The following EIF3A variants were observed in gnomAD, a reference collection of about 807,000 sequenced individuals.
The protein encoded by EIF3A is eukaryotic translation initiation factor 3 subunit A, also known as EIF3, p180 subunit.
In EIF3A, 21 loss-of-function variants were observed where a neutral mutation model predicts 186.6. The ratio of observed to expected loss-of-function variants is 0.11; its 90% CI spans 0.08 to 0.16. EIF3A has a LOEUF of 0.16. EIF3A is among the 10% of genes least tolerant of loss of function. The probability of loss-of-function intolerance (pLI) is 1.00; values close to 1 mark genes in which losing one functional copy is unlikely to be tolerated. For missense variants in EIF3A, 1,306 were observed against 1,796.3 expected (o/e 0.73, Z 4.93); for synonymous variants, 563 against 584.3 (o/e 0.96, Z 0.52).
At chr10:119,050,096 T>G in intron 16 of EIF3A, 111 bp from the exon 17 acceptor site, 6 of 1,053,976 alleles carry the variant, frequency 5.7e-6, no homozygotes, top group Non-Finnish European at 8.3e-6. Context: ...GTAAAAGAAT[T>G]TGAAAATAGT....
At chr10:119,068,177 G>A (rs543138629) in intron 6 of EIF3A, among the ~76,000 whole-genome samples, 2 of 152,244 alleles carry the variant, frequency 1.3e-5, no homozygotes, top group African/African-American at 2.4e-5. Flanking sequence ...TAATAAAATG[G>A]AAGACTATGC....
chr10:119,059,218 A>G lies in EIF3A; in HGVS notation c.1623T>C (p.His541=). The change falls in exon 11 of 22, where the codon CAT becomes CAC. Residue 541 remains histidine, a synonymous_variant. Transcript: ENST00000369144. The stretch of plus-strand genomic sequence containing the variant: ...TCCCCGGGAAGATGCATACCAGTAT[A>G]TGAGCTGGTTTAATGACTTCAAGTG... ...AKALEVIKPA[H]ILQEKEEQHQ... 6.2e-7 allele frequency: 1 copy of G among 1,614,008 alleles called. No homozygotes were observed. Among genetic ancestry groups the G allele is most frequent in the Non-Finnish European group, 8.5e-7 (1 of 1,179,930 alleles).
chr10:119,044,129 C>T lies in EIF3A; in HGVS notation c.2672G>A (p.Gly891Glu), dbSNP rs1347096024. 6.2e-7 allele frequency: 1 copy of T among 1,613,160 alleles called. No individual in the cohort carries two copies. Among genetic ancestry groups the T allele is most frequent in the Non-Finnish European group, 8.5e-7 (1 of 1,179,246 alleles). ...CCAGGTGCCTTCTGAATCTCTATCT[C>T]CCCAACGAGAGTCCTCCATTGACAA... ...SSLSRKDSRWGDRDSEGTWRK... is the reference protein window; with the variant it reads ...SSLSRKDSRWEDRDSEGTWRK... Residue 891 changes from glycine to glutamate, a missense_variant, in exon 18 of 22, where the codon GGA (glycine) becomes GAA (glutamate). This residue lies in a region of EIF3A where 410 missense variants were observed against 473.5 expected (regional missense o/e 0.87). Transcript: ENST00000369144.
At chr10:119,050,046 T>C (rs1848335726) in intron 16 of EIF3A, 61 bp from the exon 17 acceptor site, 2 of 1,506,560 alleles carry the variant, frequency 1.3e-6, no homozygotes, top group Non-Finnish European at 9.1e-7. Flanking sequence ...CTAGTGCTAG[T>C]TCCACTTTTC....
intron 7 of EIF3A, among the ~76,000 whole-genome samples, chr10:119,063,947 T>G (rs544126780): frequency 6.2e-4 from 95 of 152,192 alleles, no homozygotes; most frequent in South Asian, 3.3e-3. Flanking sequence ...ACTGTAGTGG[T>G]GCGTGCCTGT....
intron 1 of EIF3A, 63 bp downstream of exon 1, chr10:119,080,565 C>T (rs1844248752): frequency 7.9e-6 from 12 of 1,525,848 alleles, no homozygotes; most frequent in East Asian, 2.6e-5. Context: ...GAAGCAGGCC[C>T]GCGCTCTCGA....
chr10:119,061,486 C>T (rs1483516059), intron 7 of EIF3A, among the ~76,000 whole-genome samples, 158 bp from the exon 8 acceptor site: 3 of 151,946 alleles, frequency 2.0e-5, no homozygotes, highest in African/African-American at 7.3e-5. Context: ...ATCCAAAGTA[C>T]AACTATGCTG....
intron 12 of EIF3A, 32 bp from the exon 13 acceptor site, chr10:119,057,072 T>C: frequency 1.5e-6 from 2 of 1,342,688 alleles, no homozygotes; most frequent in Non-Finnish European, 2.1e-6. Context: ...CAATTGTTAA[T>C]AAAGAGAAAC....
intron 9 of EIF3A, 194 bp from the exon 10 acceptor site, chr10:119,059,912 T>A: frequency 1.6e-6 from 1 of 623,442 alleles, no homozygotes; most frequent in Non-Finnish European, 2.9e-6. Flanking sequence ...ATCATACTAT[T>A]CCTCAAACCT....
At chr10:119,061,702 G>A (rs1225470932) in intron 7 of EIF3A, among the ~76,000 whole-genome samples, 1 of 152,064 alleles carries the variant, frequency 6.6e-6, no homozygotes, top group African/African-American at 2.4e-5. Flanking sequence ...AAATTATCAT[G>A]GCAGCACTAT....
Position 119,042,697 on chromosome 10 carries a change from C to G in EIF3A, c.2823G>C (p.Gly941=). The change falls in exon 19 of 22, where the codon GGG becomes GGC. Residue 941 remains glycine, a synonymous_variant. Transcript: ENST00000369144. The surrounding 1 kb of genome is among the most constrained non-coding windows in gnomAD (Gnocchi z 7.8). Reference sequence around the variant, plus strand: ...GAGAGGGCTCTCTATCTTCATCATCCCCCAGACGCCGGGGCCGCTCTTCAT... The same window carrying G: ...GAGAGGGCTCTCTATCTTCATCATCGCCCAGACGCCGGGGCCGCTCTTCAT... The part of the protein sequence containing the change: ...RRDEERPRRL[G]DDEDREPSLR... 2.5e-6 allele frequency: 4 copies of G among 1,614,132 alleles called. No individual in the cohort carries two copies. Among genetic ancestry groups the G allele is most frequent in the Non-Finnish European group, 3.4e-6 (4 of 1,180,040 alleles).
At chr10:119,078,815 T>C (rs1844215268) in intron 1 of EIF3A, among the ~76,000 whole-genome samples, 1 of 152,180 alleles carries the variant, frequency 6.6e-6, no homozygotes, top group East Asian at 1.9e-4. Context: ...AAATGTTTGA[T>C]GCACATTACA....
chr10:119,053,832 T>C (rs1848390866), intron 14 of EIF3A, among the ~76,000 whole-genome samples: 1 of 152,342 alleles, frequency 6.6e-6, no homozygotes, highest in Admixed American at 6.5e-5. Flanking sequence ...CTGCTTCACA[T>C]CGTACTGTTA....
chr10:119,059,519 T>C, intron 10 of EIF3A, 83 bp downstream of exon 10: 1 of 1,332,218 alleles, frequency 7.5e-7, no homozygotes, highest in Non-Finnish European at 1.1e-6. Flanking sequence ...ATGGTATCAC[T>C]GTACCAAAAG....
intron 6 of EIF3A, 38 bp from the exon 7 acceptor site, chr10:119,065,608 A>C (rs190806461): frequency 1.8e-5 from 27 of 1,463,032 alleles, no homozygotes; most frequent in Non-Finnish European, 2.5e-5. Context: ...TAGGTTTGTA[A>C]ATGATACTTG....
chr10:119,061,338 G>A lies in EIF3A; in HGVS notation c.1123-10C>T, dbSNP rs1446180660. ...GTACATTAAATCTGACCTACAGTAA[G>A]CAAAACAAAAGATGTAACTGCCAAA... On this transcript the variant is annotated splice_polypyrimidine_tract_variant and intron_variant, in intron 7 of 21. Coordinates refer to ENST00000369144, the MANE Select transcript of EIF3A (RefSeq NM_003750.4). 1.5e-6 allele frequency: 2 copies of A among 1,326,612 alleles called. No individual in the cohort carries two copies. The highest frequency in any genetic ancestry group is 3.0e-5 in the African/African-American group (2 of 67,016). The allele number at this position is 1,326,612 out of a possible 1,614,324, so 82.2% of individuals were successfully genotyped here. A position where few individuals can be genotyped will look rare whatever the true frequency, so the allele number is the denominator to read the frequency against.
Position 119,049,847 on chromosome 10 carries a change from C to G in EIF3A, c.2612G>C (p.Arg871Pro). The change falls in exon 17 of 22, where the codon CGT becomes CCT. Residue 871 changes from arginine to proline, a missense_variant. By Grantham distance (103) the Arg-to-Pro change is moderately radical. Transcript: ENST00000369144. ...GCCAAGTCTTCTCTCTTCCTCTCTA[C>G]GCCGTTCTCGTTCTTCAATTTCCAA... ...RELEIEERER[R>P]REEERRLGDS... The G allele has an allele frequency of 6.2e-7, 1 of 1,614,190 alleles. No individual in the cohort carries two copies.
chr10:119,078,949 G>A (rs993875319), intron 1 of EIF3A, among the ~76,000 whole-genome samples: 6 of 149,802 alleles, frequency 4.0e-5, no homozygotes, highest in African/African-American at 1.5e-4. Flanking sequence ...CTAGCACGGG[G>A]AAAAAAAAAT....
Position 119,037,456 on chromosome 10 carries a change from C to T in EIF3A, c.3729-147G>A, listed in dbSNP as rs541267749. The T allele has an allele frequency of 1.2e-5, 8 of 673,460 alleles. 1 individual carries two copies. The highest frequency in any genetic ancestry group is 5.9e-5 in the South Asian group (3 of 50,702). 41.7% of individuals were successfully genotyped at this position (673,460 alleles called of 1,614,324 possible). A position where few individuals can be genotyped will look rare whatever the true frequency, so the allele number is the denominator to read the frequency against. ...ACCTGACCTTACCTGATGCCTGGGG[C>T]GTGGAGAACAAATGAGAACACCCAG... On this transcript the variant is annotated intron_variant, in intron 20 of 21. Coordinates refer to ENST00000369144, the MANE Select transcript of EIF3A (RefSeq NM_003750.4).
Sources: gnomAD v4.1 joint callset for allele counts (sites outside exome capture counted in the v4.1 genomes callset) on GRCh38, gnomAD v4.1.1 for gene constraint, gnomAD v4.1.1 regional missense constraint, Gnocchi (gnomAD v3.1) non-coding constraint, MANE v1.5 for transcripts, NCBI Gene and HGNC (gene_info 2026-07-23, HGNC 2026-07-21) for gene names.